Variants in CSMD2 observed in about 807,000 individuals in gnomAD.
CSMD2 encodes the protein CUB and sushi domain-containing protein 2.
CSMD2 carries 130 observed loss-of-function variants against 398.5 expected under a neutral mutation model. The observed-to-expected ratio is 0.33, with a 90% CI of 0.28 to 0.38. The LOEUF (loss-of-function observed/expected upper bound fraction) is 0.38. CSMD2 is among the 10% of genes least tolerant of loss of function. The probability of loss-of-function intolerance (pLI) is 1.00; values close to 1 mark genes in which losing one functional copy is unlikely to be tolerated. For synonymous variants in CSMD2, 1,828 were observed against 1,908.5 expected (o/e 0.96, Z 1.10); for missense variants, 3,829 against 4,764.9 (o/e 0.80, Z 5.78).
chr1:33,650,993 G>C (rs1016356), intron 28 of CSMD2, among the ~76,000 whole-genome samples: 3 of 152,160 alleles, frequency 2.0e-5, no homozygotes, highest in Admixed American at 2.0e-4. Flanking sequence ...ACTCATCCAC[G>C]TTGTTGCATG....
At chr1:33,525,841 TGCCC>T (rs1654725099) in intron 65 of CSMD2, among the ~76,000 whole-genome samples, 3 of 151,886 alleles carry the variant, frequency 2.0e-5, no homozygotes, top group African/African-American at 7.3e-5. Context: ...TGCACCACCA[TGCCC>T]GGCTAATTTT....
intron 3 of CSMD2, among the ~76,000 whole-genome samples, chr1:34,027,041 C>T (rs1308768018): frequency 6.6e-6 from 1 of 152,052 alleles, no homozygotes; most frequent in Non-Finnish European, 1.5e-5. Context: ...CCAAGCATGG[C>T]ACCAAAAATA....
At chr1:33,871,771 C>T (rs539419678) in intron 5 of CSMD2, among the ~76,000 whole-genome samples, 49 of 152,240 alleles carry the variant, frequency 3.2e-4, no homozygotes, top group African/African-American at 1.2e-3. Context: ...TGTGTGCCAC[C>T]ACATCTGGCT....
At chr1:33,949,782 C>T (rs1428594588) in intron 3 of CSMD2, among the ~76,000 whole-genome samples, 2 of 152,218 alleles carry the variant, frequency 1.3e-5, no homozygotes, top group African/African-American at 4.8e-5. Flanking sequence ...GCTTTCCAGG[C>T]TCTTGTTCCC....
At chr1:33,687,314 A>G (rs1275054824) in intron 25 of CSMD2, among the ~76,000 whole-genome samples, 1 of 152,252 alleles carries the variant, frequency 6.6e-6, no homozygotes, top group Non-Finnish European at 1.5e-5. Context: ...AGATGATAAC[A>G]TATTGATAAA....
chr1:33,987,036 C>T (rs1646382799), intron 3 of CSMD2, among the ~76,000 whole-genome samples: 1 of 152,064 alleles, frequency 6.6e-6, no homozygotes, highest in Non-Finnish European at 1.5e-5. Context: ...GGGATGGGGG[C>T]TTAGCCAGGC....
chr1:33,630,065 TCTTCCTTCCTTC>T (rs562242200), intron 32 of CSMD2, among the ~76,000 whole-genome samples: 34 of 151,030 alleles, frequency 2.3e-4, no homozygotes, highest in African/African-American at 7.8e-4. Context: ...TCCCCCATCT[TCTTCCTTCCTTC>T]CTTCCTTCCT....
At chr1:33,730,166 G>T (rs1049163994) in intron 15 of CSMD2, among the ~76,000 whole-genome samples, 2 of 152,216 alleles carry the variant, frequency 1.3e-5, no homozygotes, top group Non-Finnish European at 2.9e-5. Context: ...TCATGGAGTG[G>T]TTCCCAGACT....
chr1:33,767,737 A>C (rs1650695600), intron 13 of CSMD2, among the ~76,000 whole-genome samples: 1 of 152,248 alleles, frequency 6.6e-6, no homozygotes, highest in Admixed American at 6.5e-5. Context: ...TAAGGGTCAC[A>C]AATCTACCTT....
chr1:34,159,340 C>G (rs58241527), intron 1 of CSMD2, among the ~76,000 whole-genome samples: 58,241 of 124,066 alleles, frequency 0.47, 12,473 homozygotes, highest in Middle Eastern at 0.58. Flanking sequence ...CCCCCCCCCA[C>G]CCAGGAGCTT....
chr1:33,609,000 G>A (rs541028415), intron 41 of CSMD2, among the ~76,000 whole-genome samples: 38 of 152,300 alleles, frequency 2.5e-4, no homozygotes, highest in Admixed American at 1.5e-3. Flanking sequence ...GCCATCCGAC[G>A]CGTCATGACC....
chr1:33,816,991 C>T (rs1273533348), intron 9 of CSMD2, among the ~76,000 whole-genome samples: 1 of 152,036 alleles, frequency 6.6e-6, no homozygotes, highest in Non-Finnish European at 1.5e-5. Flanking sequence ...CTTTTGGTAA[C>T]CTGCTTGTTA....
At chr1:33,875,871 A>G (rs1640805353) in intron 5 of CSMD2, among the ~76,000 whole-genome samples, 2 of 152,208 alleles carry the variant, frequency 1.3e-5, no homozygotes, top group African/African-American at 4.8e-5. Context: ...GTCTGAATTC[A>G]TGATGTTGAA....
At chr1:33,818,555 C>G (rs2124990287) in intron 9 of CSMD2, among the ~76,000 whole-genome samples, 1 of 152,234 alleles carries the variant, frequency 6.6e-6, no homozygotes, top group African/African-American at 2.4e-5. Flanking sequence ...GTGATTTGCC[C>G]AATTGCTGAG....
Position 33,559,072 on chromosome 1 carries a change from G to A in CSMD2, c.8554+228C>T, listed in dbSNP as rs28438078. 0.12 allele frequency among the ~76,000 whole-genome samples: 17,760 copies of A among 152,238 alleles called. 1,277 individuals carry two copies. Among genetic ancestry groups the A allele is most frequent in the East Asian group, 0.23 (1,190 of 5,176 alleles). ...GAAAGGTAAAAAAGACGACTTGAAA[G>A]ATAAAACTTAAGTTTTGCTTTCCTT... is the stretch of plus-strand genomic sequence containing the variant. On this transcript the variant is annotated intron_variant, in intron 54 of 70. Transcript: ENST00000373381. The surrounding 1 kb of genome is among the most constrained non-coding windows in gnomAD (Gnocchi z 4.0).
At chr1:33,618,263 C>T (rs1641528012) in intron 37 of CSMD2, among the ~76,000 whole-genome samples, 1 of 152,158 alleles carries the variant, frequency 6.6e-6, no homozygotes, top group Admixed American at 6.5e-5. Flanking sequence ...TCAGCTCTGG[C>T]CTCACTGAGC....
rs1400485655 is a variant in CSMD2 at position 33,542,814 on chromosome 1, G to C, written c.9183C>G (p.Val3061=). The C allele has an allele frequency of 6.2e-7, 1 of 1,614,190 alleles. No individual in the cohort carries two copies. ...SDGLVFSSSI[V]YECREGYYAT... ...CGTAGTATCCTTCCCGGCACTCATA[G>C]ACGATAGAGCTGGAGAAAACCAGGC... The change falls in exon 58 of 71, where the codon GTC becomes GTG. Residue 3061 remains valine (V), a synonymous_variant. Coordinates refer to ENST00000373381, the MANE Select transcript of CSMD2 (RefSeq NM_001281956.2).
At chr1:33,549,571 T>C (rs1395708023) in intron 56 of CSMD2, among the ~76,000 whole-genome samples, 3 of 152,214 alleles carry the variant, frequency 2.0e-5, no homozygotes, top group African/African-American at 7.2e-5. Flanking sequence ...TTTGATAGCA[T>C]CTGTCAGTGT....
At chr1:33,602,289 T>C in intron 43 of CSMD2, 80 bp downstream of exon 43, 2 of 1,480,136 alleles carry the variant, frequency 1.4e-6, no homozygotes, top group Non-Finnish European at 1.9e-6. Flanking sequence ...TCTAAACCAA[T>C]AGGTAACTGA....
Sources: gnomAD v4.1 joint callset for allele counts (sites outside exome capture counted in the v4.1 genomes callset) on GRCh38, gnomAD v4.1.1 for gene constraint, Gnocchi (gnomAD v3.1) non-coding constraint, MANE v1.5 for transcripts, NCBI Gene and HGNC (gene_info 2026-07-23, HGNC 2026-07-21) for gene names.